The following RIC1 variants were observed in gnomAD, a reference collection of about 807,000 sequenced individuals.
RIC1 encodes the protein guanine nucleotide exchange factor subunit RIC1.
In RIC1, 88 loss-of-function variants were observed where a neutral mutation model predicts 169.0. The observed-to-expected ratio is 0.52, with a 90% CI of 0.44 to 0.62. The LOEUF (loss-of-function observed/expected upper bound fraction) is 0.62. Among genes scored for constraint, RIC1 ranks in the 20% least tolerant of loss-of-function variants. The probability of loss-of-function intolerance (pLI) is 0.00; values close to 1 mark genes in which losing one functional copy is unlikely to be tolerated. For synonymous variants in RIC1, 790 were observed against 601.5 expected, an observed-to-expected ratio of 1.31 and a Z score of -4.59; for missense variants, 1,877 against 1,725.5, an observed-to-expected ratio of 1.09 and a Z score of -1.56.
intron 9 of RIC1, 80 bp from the exon 10 acceptor site, chr9:5,743,609 T>C (rs1825204859): frequency 8.4e-7 from 1 of 1,185,520 alleles, no homozygotes; most frequent in South Asian, 1.3e-5. Flanking sequence ...ATCCGTTTGA[T>C]TTTTTAAAAA....
chr9:5,657,675 C>T (rs1281044210), intron 2 of RIC1, among the ~76,000 whole-genome samples: 1 of 151,998 alleles, frequency 6.6e-6, no homozygotes, highest in Non-Finnish European at 1.5e-5. Context: ...ATAACACTGA[C>T]TAGGTTAATA....
chr9:5,702,397 G>T (rs1426258866), intron 3 of RIC1, among the ~76,000 whole-genome samples: 1 of 152,192 alleles, frequency 6.6e-6, no homozygotes, highest in Non-Finnish European at 1.5e-5. Context: ...GGCTGGGGAG[G>T]CCTCAGGAAA....
intron 7 of RIC1, among the ~76,000 whole-genome samples, chr9:5,734,103 T>A (rs960730874): frequency 1.4e-5 from 2 of 147,378 alleles, no homozygotes; most frequent in South Asian, 2.1e-4. Flanking sequence ...ATATATATAT[T>A]TATTTTATTT....
intron 2 of RIC1, among the ~76,000 whole-genome samples, chr9:5,687,199 T>G (rs1586949303): frequency 6.6e-6 from 1 of 152,188 alleles, no homozygotes; most frequent in African/African-American, 2.4e-5. Context: ...CTTTGATTTC[T>G]GTTAGTGGCT....
At chr9:5,727,685 T>G (rs917541072) in intron 6 of RIC1, among the ~76,000 whole-genome samples, 3 of 152,342 alleles carry the variant, frequency 2.0e-5, no homozygotes, top group African/African-American at 7.2e-5. Flanking sequence ...TATCTGCCTT[T>G]AGTCTTTGAT....
At chr9:5,772,334 C>T (rs918638473) in intron 23 of RIC1, among the ~76,000 whole-genome samples, 6 of 152,126 alleles carry the variant, frequency 3.9e-5, no homozygotes, top group African/African-American at 1.4e-4. Flanking sequence ...GGGAAGACTG[C>T]TTCATAGGTG....
intron 1 of RIC1, among the ~76,000 whole-genome samples, chr9:5,639,971 A>G (rs1318147646): frequency 6.6e-6 from 1 of 151,998 alleles, no homozygotes; most frequent in African/African-American, 2.4e-5. Context: ...TTGTATGTGA[A>G]GTGTGTTTCT....
At chr9:5,716,254 C>T (rs981555080) in intron 4 of RIC1, among the ~76,000 whole-genome samples, 1 of 152,140 alleles carries the variant, frequency 6.6e-6, no homozygotes, top group African/African-American at 2.4e-5. Flanking sequence ...AAGGATATAA[C>T]TTAGAGTGTA....
chr9:5,694,354 T>A (rs1188836459), intron 3 of RIC1, among the ~76,000 whole-genome samples: 1 of 152,256 alleles, frequency 6.6e-6, no homozygotes, highest in Non-Finnish European at 1.5e-5. Flanking sequence ...AGAGGAACTT[T>A]AGCCACTTTT....
intron 3 of RIC1, among the ~76,000 whole-genome samples, chr9:5,706,752 C>T (rs1205171139): frequency 1.3e-5 from 2 of 152,116 alleles, no homozygotes; most frequent in African/African-American, 4.8e-5. Context: ...TTACAATATT[C>T]TCTTATAACC....
chr9:5,705,282 A>G (rs997091593), intron 3 of RIC1, among the ~76,000 whole-genome samples: 3 of 151,562 alleles, frequency 2.0e-5, no homozygotes, highest in Admixed American at 2.0e-4. Flanking sequence ...TATCGTAACA[A>G]TATTAAATAT....
intron 17 of RIC1, among the ~76,000 whole-genome samples, chr9:5,761,274 C>T (rs530634474): frequency 1.1e-4 from 16 of 151,964 alleles, no homozygotes; most frequent in East Asian, 7.7e-4. Flanking sequence ...CCACCACGCC[C>T]GGCTTATTTT....
rs559383175 is a variant in RIC1 at position 5,702,731 on chromosome 9, G to C, written c.333-11165G>C. On this transcript the variant is annotated intron_variant, in intron 3 of 25. Coordinates refer to ENST00000414202, the MANE Select transcript of RIC1 (RefSeq NM_020829.4). The stretch of plus-strand genomic sequence containing the variant: ...TTTTTTTTGTGTGTGTATTTTAGTG[G>C]AGACAGGCTTTCACCCTGTTGCCCA... Among the ~76,000 whole-genome samples the C allele has an allele frequency of 4.8e-4, 73 of 152,202 alleles. No individual in the cohort carries two copies. In the Middle Eastern group the frequency reaches 0.01, roughly 21 times the overall value.
At chr9:5,717,198 G>A (rs370342834) in intron 4 of RIC1, among the ~76,000 whole-genome samples, 13 of 152,076 alleles carry the variant, frequency 8.5e-5, no homozygotes, top group East Asian at 5.8e-4. Flanking sequence ...GTTTGTTGCA[G>A]CATCACTGAT....
intron 1 of RIC1, among the ~76,000 whole-genome samples, chr9:5,655,180 T>C (rs999718386): frequency 5.9e-5 from 9 of 152,226 alleles, no homozygotes; most frequent in African/African-American, 2.2e-4. Context: ...AGGAAAGCGT[T>C]GAGCTGTAGG....
In RIC1 at chr9:5,629,351, T is replaced by G. The variant is rs764072273; in HGVS notation, c.42T>G (p.Pro14=). The G allele has an allele frequency of 1.8e-5, 27 of 1,534,036 alleles. No homozygotes were observed. The South Asian group carries it at 2.7e-4, about 16-fold the overall frequency. ...LSGWPKRLLC[P]LGSPAEAPFH... is the part of the protein sequence containing the mutation. Reference sequence around the variant, plus strand: ...GCTGGCCCAAGAGGCTGCTGTGCCCTCTGGGGAGCCCGGCCGAGGCGCCTT... The same window carrying G: ...GCTGGCCCAAGAGGCTGCTGTGCCCGCTGGGGAGCCCGGCCGAGGCGCCTT... The change falls in exon 1 of 26, where the codon CCT becomes CCG. Residue 14 remains proline, a synonymous_variant. Transcript: ENST00000414202.
chr9:5,649,299 C>T (rs1406416498), intron 1 of RIC1, among the ~76,000 whole-genome samples: 4 of 152,130 alleles, frequency 2.6e-5, no homozygotes, highest in Non-Finnish European at 5.9e-5. Flanking sequence ...TTTTCTGCTC[C>T]TTTGATCTTG....
chr9:5,776,660 A>G (rs914632132), downstream of RIC1: 9 of 151,944 alleles, frequency 5.9e-5, no homozygotes, highest in African/African-American at 1.9e-4. Context: ...ATTCAGACAG[A>G]TTTATTTAAA....
intron 9 of RIC1, 75 bp from the exon 10 acceptor site, chr9:5,743,614 T>C: frequency 8.2e-7 from 1 of 1,224,984 alleles, no homozygotes. Context: ...TTTGATTTTT[T>C]AAAAAACACT....
Sources: allele counts gnomAD v4.1 joint callset (sites outside exome capture counted in the v4.1 genomes callset), GRCh38; gene constraint gnomAD v4.1.1; transcripts MANE v1.5; gene names NCBI Gene and HGNC (gene_info 2026-07-23, HGNC 2026-07-21).